Variants in RGS11 observed in about 807,000 individuals in gnomAD.
The protein encoded by RGS11 is regulator of G-protein signaling 11.
A neutral mutation model predicts 71.1 loss-of-function variants in RGS11; 86 were observed. The ratio of observed to expected loss-of-function variants is 1.21; its 90% confidence interval spans 1.02 to 1.45. The LOEUF (loss-of-function observed/expected upper bound fraction) is 1.45, where lower values mean the gene tolerates loss of function less well. Ranked by LOEUF, RGS11 falls within the 40% of genes most tolerant of loss-of-function variation. The pLI is 0.00. For synonymous variants in RGS11, 298 were observed against 254.2 expected, an observed-to-expected ratio of 1.17 and a Z score of -1.64; for missense variants, 734 against 635.1, an observed-to-expected ratio of 1.16 and a Z score of -1.67.
At chr16:271,672 A>T (rs1234755900) in intron 9 of RGS11, 103 bp from the exon 10 acceptor site, 1 of 1,156,162 alleles carries the variant, frequency 8.6e-7, no homozygotes, top group Non-Finnish European at 1.3e-6. Context: ...TGCCCCATAG[A>T]TCTGGCAGAG....
In RGS11 at chr16:268,763, G is replaced by A. The variant is rs1326765217; in HGVS notation, c.*506C>T. 1.3e-6 allele frequency: 2 copies of A among 1,549,030 alleles called. No homozygotes were observed. The highest frequency in any genetic ancestry group is 2.0e-5 in the Admixed American group (1 of 50,998). Reference sequence around the variant, plus strand: ...GCAGCCTCAGCACGGCACTCTCTTGGGTCCTCTTCCAGGCTCACACTGGGC... The same window carrying A: ...GCAGCCTCAGCACGGCACTCTCTTGAGTCCTCTTCCAGGCTCACACTGGGC... On this transcript the variant is annotated 3_prime_UTR_variant, in exon 17 of 17. Coordinates refer to ENST00000397770, the MANE Select transcript of RGS11 (RefSeq NM_183337.3).
At position 271,218 on chromosome 16, in the gene RGS11, C is replaced by T. The variant is rs1275800309; in HGVS notation, c.847G>A (p.Val283Ile). 1.8e-5 allele frequency: 29 copies of T among 1,612,794 alleles called. No homozygotes were observed. The highest frequency in any genetic ancestry group is 2.4e-5 in the Non-Finnish European group (28 of 1,179,966). The change falls in exon 12 of 17, where the codon GTC (valine) becomes ATC (isoleucine). Residue 283 changes from valine to isoleucine, a missense_variant. Physicochemically the swap from Val to Ile is conservative, Grantham distance 29. Coordinates refer to ENST00000397770, the MANE Select transcript of RGS11 (RefSeq NM_183337.3). Reference sequence around the variant, plus strand: ...TGGGCTCACGTGGGGGCATTCATGACCCAGTAGGCGTCATTGTCTGAGATC... The same window carrying T: ...TGGGCTCACGTGGGGGCATTCATGATCCAGTAGGCGTCATTGTCTGAGATC... ...PWISDNDAYW[V>I]MNAPTVAAPT... is the part of the protein sequence containing the mutation.
At chr16:271,489 C>A in intron 10 of RGS11, 29 bp from the exon 11 acceptor site, 1 of 1,613,956 alleles carries the variant, frequency 6.2e-7, no homozygotes, top group East Asian at 2.2e-5. Flanking sequence ...GAGTCAGGTC[C>A]CGGGCTGGGG....
intron 8 of RGS11, 127 bp downstream of exon 8, chr16:273,348 C>T: frequency 1.4e-6 from 1 of 708,330 alleles, no homozygotes; most frequent in East Asian, 2.7e-5. Flanking sequence ...ACGTCCTGCC[C>T]CCACCAGGAG....
chr16:274,852 C>T (rs1430383788), intron 4 of RGS11, 124 bp downstream of exon 4: 7 of 1,338,846 alleles, frequency 5.2e-6, no homozygotes, highest in Admixed American at 2.0e-5. Flanking sequence ...CAGCCCACGG[C>T]GACATGGCGG....
chr16:272,126 G>A (rs1161972995), intron 9 of RGS11: 7 of 1,129,716 alleles, frequency 6.2e-6, no homozygotes, highest in African/African-American at 1.6e-5. Context: ...GTGAGCCACC[G>A]CGCCCGGCCT....
intron 3 of RGS11, 72 bp from the exon 4 acceptor site, chr16:275,154 C>G: frequency 6.4e-7 from 1 of 1,550,544 alleles, no homozygotes; most frequent in East Asian, 2.3e-5. Context: ...GGCCTCCTCT[C>G]CCCTATGTGC....
chr16:273,742 G>T lies in RGS11; in HGVS notation c.506+18C>A. ...GGTTGGGCGCCTGCAGGCGGGGCGG[G>T]GCAGGGCGGGGCCTCACCTCAGCTG... is the stretch of plus-strand genomic sequence containing the variant. On this transcript the variant is annotated intron_variant, in intron 7 of 16. Transcript: ENST00000397770. The T allele has an allele frequency of 6.2e-7, 1 of 1,606,882 alleles. No individual in the cohort carries two copies. The highest frequency in any genetic ancestry group is 8.5e-7 in the Non-Finnish European group (1 of 1,175,212).
intron 9 of RGS11, chr16:272,055 C>G (rs575765723): frequency 3.5e-6 from 2 of 577,998 alleles, no homozygotes; most frequent in Non-Finnish European, 4.7e-6. Context: ...TAGCTGGTCT[C>G]GAACTCCTGA....
chr16:269,300 C>G lies in RGS11; in HGVS notation c.1373G>C (p.Cys458Ser), dbSNP rs200125295. 251 of 1,585,734 alleles carry G rather than the reference C, an allele frequency of 1.6e-4. 1 individual carries two copies. In the African/African-American group the frequency reaches 3.0e-3, roughly 19 times the overall value. ...LPTPVEPTAA[C>S]GPGGGDGVA ...CACCCCATCTCCACCCCCAGGGCCA[C>G]AAGCCGCTGTGGGCTCCACAGGGGT... is the stretch of plus-strand genomic sequence containing the variant. The change falls in exon 17 of 17, where the codon TGT (cysteine) becomes TCT (serine). Residue 458 changes from cysteine to serine, a missense_variant. By Grantham distance (112) the Cys-to-Ser change is moderately radical (BLOSUM62 -1). Coordinates refer to ENST00000397770, the MANE Select transcript of RGS11 (RefSeq NM_183337.3).
chr16:273,783 CA>C lies in RGS11; in HGVS notation c.482del (p.Leu161ArgfsTer8). ...KKINHAWDLVLMQAREQLRAA... is the reference protein window; with the variant it reads ...KKINHAWDLVXMQAREQLRAA... Reference sequence around the variant, plus strand: ...ACCTCAGCTGCTCCCTCGCCTGCATCAGCACCAGGTCCCATGCGTGGTTGAT... The same window carrying C: ...ACCTCAGCTGCTCCCTCGCCTGCATCGCACCAGGTCCCATGCGTGGTTGAT... On this transcript the variant is annotated frameshift_variant, in exon 7 of 17. Transcript: ENST00000397770. LOFTEE classifies it high-confidence loss of function. The C allele has an allele frequency of 6.2e-7, 1 of 1,613,122 alleles. No homozygotes were observed. The highest frequency in any genetic ancestry group is 1.1e-5 in the South Asian group (1 of 91,088).
chr16:275,017 T>C lies in RGS11; in HGVS notation c.277A>G (p.Ser93Gly), dbSNP rs779750745. Reference sequence around the variant, plus strand: ...GTCTCGTCTGGCCGGAGCATGAGGCTACGGGGGTCGCGCAGCGGGTAGATG... The same window carrying C: ...GTCTCGTCTGGCCGGAGCATGAGGCCACGGGGGTCGCGCAGCGGGTAGATG... Reference protein sequence around the residue: ...GYIYPLRDPRSLMLRPDETPY... With the variant: ...GYIYPLRDPRGLMLRPDETPY... The change falls in exon 4 of 17, where the codon AGC becomes GGC. Residue 93 changes from serine to glycine, a missense_variant. Coordinates refer to ENST00000397770, the MANE Select transcript of RGS11 (RefSeq NM_183337.3). 2.0e-6 allele frequency: 3 copies of C among 1,520,706 alleles called. No homozygotes were observed. The East Asian group carries it at 7.2e-5, about 37-fold the overall frequency. 94.2% of individuals were successfully genotyped at this position (1,520,706 alleles called of 1,614,324 possible).
chr16:269,661 A>C, intron 15 of RGS11, 76 bp from the exon 16 acceptor site: 1 of 1,196,260 alleles, frequency 8.4e-7, no homozygotes, highest in Non-Finnish European at 1.2e-6. Context: ...AGGAGCAGCC[A>C]AACATTGCTG....
chr16:271,085 G>C lies in RGS11; in HGVS notation c.878C>G (p.Thr293Arg). ...VMNAPTVAAPTKLRVERWGFS... is the reference protein window; with the variant it reads ...VMNAPTVAAPRKLRVERWGFS... ...GCCCCATCTCTCCACACGGAGCTTC[G>C]TGGGGGCAGCCACCCTGGGGAGAGG... is the stretch of plus-strand genomic sequence containing the variant. Residue 293 changes from threonine to arginine, a missense_variant, in exon 13 of 17, where the codon ACG becomes AGG. Physicochemically the swap from Thr to Arg is moderately conservative, Grantham distance 71. Coordinates refer to ENST00000397770, the MANE Select transcript of RGS11 (RefSeq NM_183337.3). 1 of 1,612,030 alleles carries C rather than the reference G, an allele frequency of 6.2e-7. No individual in the cohort carries two copies. The highest frequency in any genetic ancestry group is 2.2e-5 in the East Asian group (1 of 44,840).
Position 275,889 on chromosome 16 carries a change from G to A in RGS11, c.23C>T (p.Pro8Leu), listed in dbSNP as rs1365831951. The A allele has an allele frequency of 2.0e-5, 19 of 927,900 alleles. No homozygotes were observed. Among genetic ancestry groups the A allele is most frequent in the Non-Finnish European group, 2.5e-5 (19 of 759,598 alleles). 57.5% of individuals were successfully genotyped at this position (927,900 alleles called of 1,614,324 possible). The change falls in exon 1 of 17, where the codon CCC (proline) becomes CTC (leucine). Residue 8 changes from proline (P) to leucine (L), a missense_variant. By Grantham distance (98) the Pro-to-Leu change is moderately conservative. Transcript: ENST00000397770. MAAGPAP[P>L]PGRPRAQMPH... ...CATCTGCGCCCGGGGGCGGCCGGGG[G>A]GCGGCGCGGGGCCGGCGGCCATGGC... is the stretch of plus-strand genomic sequence containing the variant.
At chr16:273,210 G>A (rs1242155266) in intron 8 of RGS11, among the ~76,000 whole-genome samples, 1 of 152,172 alleles carries the variant, frequency 6.6e-6, no homozygotes, top group Non-Finnish European at 1.5e-5. Flanking sequence ...GGCAGAGTCT[G>A]CAGTCCCCGC....
In RGS11 at chr16:273,932, G is replaced by A. The variant is rs2052049222; in HGVS notation, c.430-96C>T. 6 of 1,474,850 alleles carry A rather than the reference G, an allele frequency of 4.1e-6. No homozygotes were observed. In the East Asian group the frequency reaches 1.4e-4, roughly 33 times the overall value. The allele number at this position is 1,474,850 out of a possible 1,614,324, so 91.4% of individuals were successfully genotyped here. ...GGGTTGGGGACTGTCTTGGGTTTTGGGGCCTGGGCTGTATGTTCTGGGGTA... is the reference window on the plus strand; with the variant it reads ...GGGTTGGGGACTGTCTTGGGTTTTGAGGCCTGGGCTGTATGTTCTGGGGTA... On this transcript the variant is annotated intron_variant, in intron 6 of 16. Coordinates refer to ENST00000397770, the MANE Select transcript of RGS11 (RefSeq NM_183337.3).
chr16:275,655 G>C (rs2052142689), intron 1 of RGS11, 157 bp from the exon 2 acceptor site: 1 of 126,306 alleles, frequency 7.9e-6, no homozygotes, highest in East Asian at 7.6e-5. Flanking sequence ...GGCGGGCCGG[G>C]GAGGGCCGGG....
At chr16:272,620 C>G (rs2051988504) in intron 9 of RGS11, 1 of 1,458,782 alleles carries the variant, frequency 6.9e-7, no homozygotes, top group South Asian at 1.4e-5. Flanking sequence ...CGCCAGCCCC[C>G]TCGTCCCCAC....
Sources: gnomAD v4.1 joint callset for allele counts (sites outside exome capture counted in the v4.1 genomes callset) on GRCh38, gnomAD v4.1.1 for gene constraint, MANE v1.5 for transcripts, NCBI Gene and HGNC (gene_info 2026-07-23, HGNC 2026-07-21) for gene names.